The following DOCK9 variants were observed in gnomAD, a reference collection of about 807,000 sequenced individuals.
DOCK9 encodes the protein dedicator of cytokinesis 9, also known as dedicator of cytokinesis protein 9.
Under a neutral mutation model 263.3 loss-of-function variants are expected in DOCK9, and 89 were observed. That is an observed-to-expected ratio of 0.34 (90% CI 0.28 to 0.40). DOCK9 has a LOEUF of 0.40. Ranked by LOEUF, DOCK9 falls within the 10% of genes least tolerant of loss-of-function variation. The probability of loss-of-function intolerance (pLI) is 1.00; values close to 1 mark genes in which losing one functional copy is unlikely to be tolerated. For missense variants in DOCK9, 2,140 were observed against 2,603.4 expected (o/e 0.82, Z 3.87); for synonymous variants, 976 against 973.1 (o/e 1.00, Z -0.06).
At chr13:98,936,828 T>C (rs768791855) in intron 2 of DOCK9, among the ~76,000 whole-genome samples, 4 of 152,206 alleles carry the variant, frequency 2.6e-5, no homozygotes, top group Non-Finnish European at 5.9e-5. Flanking sequence ...ACAGATTTTA[T>C]GTATTAAAAG....
intron 28 of DOCK9, 69 bp downstream of exon 28, chr13:98,868,162 C>G (rs1159743798): frequency 1.3e-6 from 2 of 1,590,464 alleles, no homozygotes; most frequent in East Asian, 4.5e-5. Flanking sequence ...TCTAGTCACC[C>G]TGCTAGACAG....
In DOCK9 at chr13:98,843,370, C is replaced by T. The variant is rs573867334; in HGVS notation, c.4198+2554G>A. Among the ~76,000 whole-genome samples the T allele has an allele frequency of 1.4e-4, 21 of 151,786 alleles. No homozygotes were observed. In the South Asian group the frequency reaches 3.9e-3, roughly 29 times the overall value. On this transcript the variant is annotated intron_variant, in intron 38 of 52. Transcript: ENST00000682017. The stretch of plus-strand genomic sequence containing the variant: ...AACAAACATGTACATATATATAAAA[C>T]ACACACACAAACATGTTCATGTACA...
intron 14 of DOCK9, 142 bp from the exon 15 acceptor site, chr13:98,897,752 A>C: frequency 8.2e-7 from 1 of 1,224,862 alleles, no homozygotes; most frequent in Non-Finnish European, 1.1e-6. Context: ...AAAAACATGG[A>C]AAACATCTAT....
At chr13:99,022,607 G>C (rs759193744) in intron 1 of DOCK9, among the ~76,000 whole-genome samples, 12 of 152,142 alleles carry the variant, frequency 7.9e-5, no homozygotes, top group Non-Finnish European at 1.3e-4. Context: ...AGAAATGAGA[G>C]AATCTTCCTT....
chr13:98,883,910 T>A lies in DOCK9; in HGVS notation c.2383-11A>T. The A allele has an allele frequency of 6.3e-7, 1 of 1,586,842 alleles. No individual in the cohort carries two copies. The highest frequency in any genetic ancestry group is 8.6e-7 in the Non-Finnish European group (1 of 1,161,942). ...TTCCGGACCATAATGCTAAAAAAAA[T>A]ATGGAAGAAACAATATCCCTACAGA... is the stretch of plus-strand genomic sequence containing the variant. On this transcript the variant is annotated splice_polypyrimidine_tract_variant and intron_variant, in intron 21 of 52. Transcript: ENST00000682017.
At chr13:98,819,698 C>T (rs754585955) in intron 45 of DOCK9, among the ~76,000 whole-genome samples, 15 of 152,222 alleles carry the variant, frequency 9.9e-5, no homozygotes, top group Admixed American at 1.3e-4. Flanking sequence ...GTGACTTTCA[C>T]GGCTCCAGGA....
chr13:98,819,479 T>C (rs1290348968), intron 45 of DOCK9, among the ~76,000 whole-genome samples: 2 of 152,228 alleles, frequency 1.3e-5, no homozygotes, highest in East Asian at 1.9e-4. Context: ...TGTAGTGTGC[T>C]ATGGCAGGGA....
chr13:98,888,372 C>A lies in DOCK9; in HGVS notation c.1965G>T (p.Lys655Asn). ...YPKYLKYDSQ[K>N]SFAKARNIAI... is the part of the protein sequence containing the mutation. ...TCTTCACACTCACCTTGGCAAAAGA[C>A]TTCTGACTGTCGTATTTCAAGTACT... Residue 655 changes from lysine (K) to asparagine (N), a missense_variant, in exon 17 of 53, where the codon AAG (lysine) becomes AAT (asparagine). By Grantham distance (94) the Lys-to-Asn change is moderately conservative. Around this residue, in one of 2 missense-constraint regions of DOCK9, gnomAD observed 1,521 missense variants for 1,741.7 expected, o/e 0.87. Coordinates refer to ENST00000682017, the MANE Select transcript of DOCK9 (RefSeq NM_001366683.2). The A allele has an allele frequency of 6.2e-7, 1 of 1,613,086 alleles. No homozygotes were observed. The highest frequency in any genetic ancestry group is 8.5e-7 in the Non-Finnish European group (1 of 1,179,322).
At chr13:99,020,906 T>G (rs563399131) in intron 1 of DOCK9, among the ~76,000 whole-genome samples, 88 of 152,336 alleles carry the variant, frequency 5.8e-4, no homozygotes, top group African/African-American at 2.0e-3. Flanking sequence ...TCACCAAATC[T>G]AAGTAAAGGG....
chr13:99,079,851 C>A (rs2042058227), intron 1 of DOCK9, among the ~76,000 whole-genome samples: 1 of 152,042 alleles, frequency 6.6e-6, no homozygotes, highest in Non-Finnish European at 1.5e-5. Context: ...ACCAGCCTGG[C>A]CAACATGGTG....
At chr13:98,879,995 G>C in intron 26 of DOCK9, 26 bp from the exon 27 acceptor site, 1 of 1,559,438 alleles carries the variant, frequency 6.4e-7, no homozygotes, top group Non-Finnish European at 8.7e-7. Context: ...ACAGGACCCA[G>C]TAAGAACACA....
At position 98,988,326 on chromosome 13, in the gene DOCK9, T is replaced by G. The variant is rs551322134; in HGVS notation, c.130-32775A>C. On this transcript the variant is annotated intron_variant, in intron 1 of 32. Coordinates refer to the DOCK9 transcript ENST00000427887. ...TAAAAATAATACCTTCCAAAAGCCA[T>G]GATAAACAGTCAAAACTTGAAATAA... Among the ~76,000 whole-genome samples, 19 of 152,330 alleles carry G rather than the reference T, an allele frequency of 1.2e-4. No homozygotes were observed. In the South Asian group the frequency reaches 3.7e-3, roughly 30 times the overall value.
At chr13:98,933,515 A>C (rs142219577) in intron 2 of DOCK9, among the ~76,000 whole-genome samples, 1 of 152,356 alleles carries the variant, frequency 6.6e-6, no homozygotes, top group African/African-American at 2.4e-5. Context: ...AGGTTTACAC[A>C]TTAACCATTA....
intron 38 of DOCK9, among the ~76,000 whole-genome samples, chr13:98,841,092 A>G (rs1043171180): frequency 1.3e-5 from 2 of 152,222 alleles, no homozygotes; most frequent in African/African-American, 4.8e-5. Context: ...CAGACTGGCA[A>G]AGAGTAGAGA....
At chr13:99,004,784 G>GACACACACACACACAC (rs10533387) in intron 1 of DOCK9, among the ~76,000 whole-genome samples, 1 of 148,040 alleles carries the variant, frequency 6.8e-6, no homozygotes, top group African/African-American at 2.5e-5. Flanking sequence ...AAAAACTATA[G>GACACACACACACACAC]ACACACACAC....
At chr13:98,999,316 A>ACACTCTCTCT in intron 1 of DOCK9, among the ~76,000 whole-genome samples, 26 of 138,364 alleles carry the variant, frequency 1.9e-4, no homozygotes, top group African/African-American at 5.1e-4. Flanking sequence ...ACACACACAC[A>ACACTCTCTCT]CTCTCTCTCT....
intron 20 of DOCK9, 25 bp downstream of exon 20, chr13:98,885,683 C>T: frequency 2.5e-6 from 4 of 1,578,844 alleles, no homozygotes; most frequent in Non-Finnish European, 3.4e-6. Flanking sequence ...TATTTAAAAT[C>T]AAAGGAATGG....
At chr13:98,947,473 C>T in intron 2 of DOCK9, among the ~76,000 whole-genome samples, 1 of 146,154 alleles carries the variant, frequency 6.8e-6, no homozygotes, top group African/African-American at 2.5e-5. Context: ...TTAAAATTCT[C>T]ATATCCTCAA....
intron 52 of DOCK9, among the ~76,000 whole-genome samples, chr13:98,795,986 T>C (rs1400395028): frequency 6.6e-6 from 1 of 152,144 alleles, no homozygotes; most frequent in Non-Finnish European, 1.5e-5. Flanking sequence ...CTCGAACTCC[T>C]GACCTCAGAT....
Sources: allele counts gnomAD v4.1 joint callset (sites outside exome capture counted in the v4.1 genomes callset), GRCh38; gene constraint gnomAD v4.1.1; regional missense constraint gnomAD v4.1.1; transcripts MANE v1.5; gene names NCBI Gene and HGNC (gene_info 2026-07-23, HGNC 2026-07-21).